Variants in ARB2A observed in about 807,000 individuals in gnomAD.
The protein encoded by ARB2A is ARB2 cotranscriptional regulator A, also known as cotranscriptional regulator ARB2A.
chr5:94,086,791 G>T, the ARB2A span, among the ~76,000 whole-genome samples: 1 of 152,154 alleles, frequency 6.6e-6, no homozygotes, highest in Non-Finnish European at 1.5e-5. Context: ...GACCTCTGGT[G>T]ATCCACAAGC....
the ARB2A span, among the ~76,000 whole-genome samples, chr5:93,747,216 TTC>T: frequency 2.0e-5 from 3 of 152,138 alleles, no homozygotes; most frequent in African/African-American, 4.8e-5. Context: ...AGAAAAGAAT[TTC>T]TGTTTACAGC....
chr5:93,869,129 T>A, the ARB2A span, among the ~76,000 whole-genome samples: 2 of 152,158 alleles, frequency 1.3e-5, no homozygotes, highest in Non-Finnish European at 2.9e-5. Context: ...ATTTTACATA[T>A]CTGTAACATC....
At chr5:93,994,854 C>T in the ARB2A span, among the ~76,000 whole-genome samples, 1 of 151,316 alleles carries the variant, frequency 6.6e-6, no homozygotes, top group Non-Finnish European at 1.5e-5. Context: ...TGCAGTGAGC[C>T]GAGATTGCAC....
At chr5:93,858,194 G>A in the ARB2A span, among the ~76,000 whole-genome samples, 1 of 152,200 alleles carries the variant, frequency 6.6e-6, no homozygotes, top group South Asian at 2.1e-4. Flanking sequence ...TTGTGTACCA[G>A]GGAAGCTCAT....
the ARB2A span, among the ~76,000 whole-genome samples, chr5:93,876,695 TAAAA>T: frequency 6.6e-6 from 1 of 151,674 alleles, no homozygotes; most frequent in African/African-American, 2.4e-5. Flanking sequence ...ACTTGGAAAA[TAAAA>T]TAGTTTCAGA....
At chr5:94,099,994 C>A in the ARB2A span, among the ~76,000 whole-genome samples, 1 of 152,110 alleles carries the variant, frequency 6.6e-6, no homozygotes, top group African/African-American at 2.4e-5. Context: ...GAGAGGAAGT[C>A]AAATTACCTA....
the ARB2A span, among the ~76,000 whole-genome samples, chr5:93,794,374 T>C: frequency 6.6e-6 from 1 of 152,158 alleles, no homozygotes; most frequent in Admixed American, 6.5e-5. Context: ...CTTTCTCTGG[T>C]GCCTCCTTGA....
At chr5:93,627,677 T>C in the ARB2A span, among the ~76,000 whole-genome samples, 1 of 152,212 alleles carries the variant, frequency 6.6e-6, no homozygotes, top group African/African-American at 2.4e-5. Flanking sequence ...CCTGACCTCG[T>C]GATCTGCCCG....
the ARB2A span, among the ~76,000 whole-genome samples, chr5:93,962,121 A>T: frequency 2.0e-5 from 3 of 152,210 alleles, no homozygotes; most frequent in Non-Finnish European, 4.4e-5. Context: ...TTATTAAGCT[A>T]AGCTTTCATT....
At chr5:93,996,780 T>C in the ARB2A span, among the ~76,000 whole-genome samples, 1 of 152,088 alleles carries the variant, frequency 6.6e-6, no homozygotes, top group South Asian at 2.1e-4. Context: ...GAAATAATTA[T>C]GACCTCTGAG....
At chr5:93,903,109 G>C in the ARB2A span, among the ~76,000 whole-genome samples, 2 of 152,104 alleles carry the variant, frequency 1.3e-5, no homozygotes, top group Middle Eastern at 3.4e-3. Flanking sequence ...AGCACCTCCT[G>C]GCAATTTTGA....
chr5:94,068,285 G>A, the ARB2A span, among the ~76,000 whole-genome samples: 9 of 152,186 alleles, frequency 5.9e-5, no homozygotes, highest in Admixed American at 2.6e-4. Context: ...GAACAATGGC[G>A]AGCCTCTAGC....
chr5:93,824,229 C>A, the ARB2A span: 2 of 1,589,470 alleles, frequency 1.3e-6, no homozygotes, highest in South Asian at 1.1e-5. Flanking sequence ...TGAAATGATC[C>A]CAAACATAGA....
At chr5:93,922,408 C>T in the ARB2A span, among the ~76,000 whole-genome samples, 1 of 151,546 alleles carries the variant, frequency 6.6e-6, no homozygotes, top group African/African-American at 2.4e-5. Context: ...GTGGCGCATG[C>T]CTATAATCCT....
At chr5:94,019,579 A>G in the ARB2A span, among the ~76,000 whole-genome samples, 1 of 152,156 alleles carries the variant, frequency 6.6e-6, no homozygotes, top group Non-Finnish European at 1.5e-5. Context: ...AAATCAAATG[A>G]GATACCATCT....
At chr5:93,950,547 G>T in the ARB2A span, among the ~76,000 whole-genome samples, 2 of 152,096 alleles carry the variant, frequency 1.3e-5, no homozygotes, top group African/African-American at 4.8e-5. Context: ...GGAGGCTGAG[G>T]CATGAGAATC....
the ARB2A span, among the ~76,000 whole-genome samples, chr5:93,971,613 A>AAAT: frequency 9.6e-5 from 9 of 93,396 alleles, no homozygotes; most frequent in Admixed American, 1.1e-4. Flanking sequence ...AATAAATAAA[A>AAAT]CAAAAATACA....
the ARB2A span, among the ~76,000 whole-genome samples, chr5:94,062,236 A>G: frequency 1.1e-4 from 16 of 152,192 alleles, no homozygotes; most frequent in African/African-American, 3.9e-4. Flanking sequence ...ACCTCAACCT[A>G]TATCTCACAT....
the ARB2A span, among the ~76,000 whole-genome samples, chr5:93,796,819 A>G: frequency 6.6e-6 from 1 of 152,314 alleles, no homozygotes; most frequent in African/African-American, 2.4e-5. Flanking sequence ...TTTCTGAAAT[A>G]ATGAAAGTCT....
Sources: allele counts gnomAD v4.1 joint callset (sites outside exome capture counted in the v4.1 genomes callset), GRCh38; gene constraint gnomAD v4.1.1; transcripts MANE v1.5; gene names NCBI Gene and HGNC (gene_info 2026-07-23, HGNC 2026-07-21).